Variants in ITPK1 observed in about 807,000 individuals in gnomAD.
The protein encoded by ITPK1 is inositol 1,3,4-trisphosphate 5/6-kinase.
A neutral mutation model predicts 45.3 loss-of-function variants in ITPK1; 21 were observed. The observed-to-expected ratio is 0.46, with a 90% CI of 0.33 to 0.67. The LOEUF is 0.67. Ranked by LOEUF, ITPK1 falls within the 30% of genes least tolerant of loss-of-function variation. The probability of loss-of-function intolerance (pLI) is 0.02; values close to 1 mark genes in which losing one functional copy is unlikely to be tolerated. For missense variants in ITPK1, 474 were observed against 573.5 expected (o/e 0.83, Z 1.77); for synonymous variants, 258 against 253.6 (o/e 1.02, Z -0.16).
intron 5 of ITPK1, among the ~76,000 whole-genome samples, chr14:92,969,237 A>G (rs1051906948): frequency 2.6e-5 from 4 of 152,338 alleles, no homozygotes; most frequent in African/African-American, 9.6e-5. Context: ...CTTACATTCT[A>G]GTGGAAGGGA....
chr14:92,984,194 C>A (rs1825570413), intron 5 of ITPK1, among the ~76,000 whole-genome samples: 2 of 152,150 alleles, frequency 1.3e-5, no homozygotes, highest in South Asian at 4.1e-4. Flanking sequence ...TAAACAGATT[C>A]GAGAAGCACC....
chr14:93,041,160 C>T (rs979216900), intron 3 of ITPK1, among the ~76,000 whole-genome samples: 3 of 152,214 alleles, frequency 2.0e-5, no homozygotes, highest in African/African-American at 7.2e-5. Flanking sequence ...CACAAAGGCC[C>T]TATCCCACAG....
At chr14:93,062,813 C>T (rs773147491) in intron 3 of ITPK1, among the ~76,000 whole-genome samples, 2 of 152,172 alleles carry the variant, frequency 1.3e-5, no homozygotes, top group Non-Finnish European at 2.9e-5. Flanking sequence ...TACACCAAGG[C>T]GTTTCATCTT....
In ITPK1 at chr14:93,115,322, A is replaced by AGCGGG. The variant is rs932063786; in HGVS notation, c.-142-22_-142-18dup. 3.8e-5 allele frequency: 12 copies of AGCGGG among 312,114 alleles called. No individual in the cohort carries two copies. The highest frequency in any genetic ancestry group is 2.9e-4 in the South Asian group (2 of 6,866). The allele number at this position is 312,114 out of a possible 1,614,324, so 19.3% of individuals were successfully genotyped here. A position where few individuals can be genotyped will look rare whatever the true frequency, so the allele number is the denominator to read the frequency against. On this transcript the variant is annotated splice_polypyrimidine_tract_variant and intron_variant, in intron 1 of 10. Coordinates refer to ENST00000267615, the MANE Select transcript of ITPK1 (RefSeq NM_014216.6). ...CGCGCAGTCCTGCCGCGCGGAGCGGAGCGGGGCGGGGCGCGGCGGGCGGCC... is the reference window on the plus strand; with the variant it reads ...CGCGCAGTCCTGCCGCGCGGAGCGGAGCGGGGCGGGGCGGGGCGCGGCGGGCGGCC...
Position 92,940,170 on chromosome 14 carries a change from AC to A in ITPK1, c.*1390del. 1 of 985,670 alleles carries A rather than the reference AC, an allele frequency of 1.0e-6. No individual in the cohort carries two copies. The highest frequency in any genetic ancestry group is 6.1e-5 in the Admixed American group (1 of 16,290). 61.1% of individuals were successfully genotyped at this position (985,670 alleles called of 1,614,324 possible). On this transcript the variant is annotated 3_prime_UTR_variant, in exon 11 of 11. Transcript: ENST00000267615. The stretch of plus-strand genomic sequence containing the variant: ...CACTGGCTCGGGGGCCTCTCTCGGG[AC>A]ACTCAGCACTTTCTCTAGCGTCCTC...
chr14:93,042,734 A>G (rs1367473920), intron 3 of ITPK1, among the ~76,000 whole-genome samples: 1 of 152,096 alleles, frequency 6.6e-6, no homozygotes, highest in East Asian at 1.9e-4. Flanking sequence ...AGTTTCAATC[A>G]TGGCTGGCTG....
At chr14:92,987,835 C>T (rs1183615473) in intron 5 of ITPK1, among the ~76,000 whole-genome samples, 1 of 152,190 alleles carries the variant, frequency 6.6e-6, no homozygotes, top group Non-Finnish European at 1.5e-5. Context: ...CCATGACTCC[C>T]GGACTGGGGG....
chr14:92,972,183 A>G (rs1433437983), intron 5 of ITPK1, among the ~76,000 whole-genome samples: 1 of 152,200 alleles, frequency 6.6e-6, no homozygotes, highest in Non-Finnish European at 1.5e-5. Context: ...CAGCCTTTCC[A>G]GGCCTCCGCA....
At chr14:92,990,505 G>A (rs1487837248) in intron 5 of ITPK1, among the ~76,000 whole-genome samples, 1 of 152,224 alleles carries the variant, frequency 6.6e-6, no homozygotes, top group East Asian at 1.9e-4. Context: ...TGCTGTTAAA[G>A]CAACTTGAAT....
At chr14:92,942,743 T>C (rs1260034356) in intron 10 of ITPK1, among the ~76,000 whole-genome samples, 2 of 152,200 alleles carry the variant, frequency 1.3e-5, no homozygotes, top group Non-Finnish European at 2.9e-5. Context: ...AGCAGAGCCC[T>C]CGGGAGCCAC....
chr14:92,985,288 G>C (rs1886438558), intron 5 of ITPK1, among the ~76,000 whole-genome samples: 1 of 151,926 alleles, frequency 6.6e-6, no homozygotes, highest in Non-Finnish European at 1.5e-5. Flanking sequence ...GGACAACTGG[G>C]GAAATTCGAA....
At chr14:92,993,827 G>A in intron 5 of ITPK1, 53 bp downstream of exon 5, 1 of 1,200,878 alleles carries the variant, frequency 8.3e-7, no homozygotes. Flanking sequence ...TGGCCACTTT[G>A]TGACCACAAA....
chr14:93,035,604 G>A (rs968340616), intron 3 of ITPK1, among the ~76,000 whole-genome samples: 1 of 152,228 alleles, frequency 6.6e-6, no homozygotes, highest in African/African-American at 2.4e-5. Flanking sequence ...GAGGGAGGGA[G>A]GGAGGGGGCT....
intron 5 of ITPK1, among the ~76,000 whole-genome samples, chr14:92,978,395 G>A (rs1164880420): frequency 6.6e-6 from 1 of 151,964 alleles, no homozygotes; most frequent in Admixed American, 6.5e-5. Context: ...TGGTAGAAAA[G>A]AAAAACCCAT....
Position 93,016,737 on chromosome 14 carries a change from T to C in ITPK1, c.185A>G (p.Asp62Gly). 1 of 1,614,120 alleles carries C rather than the reference T, an allele frequency of 6.2e-7. No homozygotes were observed. Among genetic ancestry groups the C allele is most frequent in the Non-Finnish European group, 8.5e-7 (1 of 1,179,992 alleles). The change falls in exon 4 of 11, where the codon GAC (aspartate) becomes GGC (glycine). Residue 62 changes from aspartate (D) to glycine (G), a missense_variant. This residue lies in a region of ITPK1 where 367 missense variants were observed against 480.6 expected (regional missense o/e 0.76). Coordinates refer to ENST00000267615, the MANE Select transcript of ITPK1 (RefSeq NM_014216.6). The surrounding 1 kb of genome is among the most constrained non-coding windows in gnomAD (Gnocchi z 5.0). Reference sequence around the variant, plus strand: ...ATTCTGGTCGGCTTCAAGGATGACGTCAGTCAGCTTGTGGATGATGACGTC... The same window carrying C: ...ATTCTGGTCGGCTTCAAGGATGACGCCAGTCAGCTTGTGGATGATGACGTC... The part of the protein sequence containing the change: ...PLDVIIHKLT[D>G]VILEADQNDS...
intron 3 of ITPK1, chr14:93,071,444 C>T (rs1438695503): frequency 6.6e-6 from 1 of 152,212 alleles, no homozygotes; most frequent in Non-Finnish European, 1.5e-5. Context: ...TCAAACCAAA[C>T]CCCCACAAAA....
chr14:93,091,762 G>C (rs1215139615), intron 2 of ITPK1, among the ~76,000 whole-genome samples: 2 of 152,136 alleles, frequency 1.3e-5, no homozygotes, highest in East Asian at 1.9e-4. Flanking sequence ...GCTCAGACAG[G>C]CTCCAGGAGC....
rs755050138 is a variant in ITPK1, at chr14:93,066,320, ATGTGTGTGTGTG to A, written c.120+10263_120+10274del. ...TGTGCGCGTGCATGTGTGTGTGTGTATGTGTGTGTGTGTGTGTGTGTAGGGGGCAGAGGCGTC... is the reference window on the plus strand; with the variant it reads ...TGTGCGCGTGCATGTGTGTGTGTGTATGTGTGTGTAGGGGGCAGAGGCGTC... On this transcript the variant is annotated intron_variant, in intron 3 of 10. Transcript: ENST00000267615. 7 of 421,228 alleles carry A rather than the reference ATGTGTGTGTGTG, an allele frequency of 1.7e-5. No homozygotes were observed. The East Asian group carries it at 3.8e-4, about 23-fold the overall frequency. The allele number at this position is 421,228 out of a possible 1,614,324, so 26.1% of individuals were successfully genotyped here. A position where few individuals can be genotyped will look rare whatever the true frequency, so the allele number is the denominator to read the frequency against.
intron 3 of ITPK1, among the ~76,000 whole-genome samples, chr14:93,041,057 C>G (rs1306937176): frequency 6.6e-6 from 1 of 152,138 alleles, no homozygotes; most frequent in African/African-American, 2.4e-5. Context: ...TGGTTGGTCT[C>G]GTATATACGA....
Sources: gnomAD v4.1 joint callset for allele counts (sites outside exome capture counted in the v4.1 genomes callset) on GRCh38, gnomAD v4.1.1 for gene constraint, gnomAD v4.1.1 regional missense constraint, Gnocchi (gnomAD v3.1) non-coding constraint, MANE v1.5 for transcripts, NCBI Gene and HGNC (gene_info 2026-07-23, HGNC 2026-07-21) for gene names.